The following PDE4D variants were observed in gnomAD, a reference collection of about 807,000 sequenced individuals.
The protein encoded by PDE4D is phosphodiesterase 4D.
In PDE4D, 24 loss-of-function variants were observed where a neutral mutation model predicts 87.4. That is an observed-to-expected ratio of 0.27 (90% CI 0.20 to 0.39). The LOEUF is 0.39. Ranked by LOEUF, PDE4D falls within the 10% of genes least tolerant of loss-of-function variation. PDE4D has a pLI of 1.00. For synonymous variants in PDE4D, 384 were observed against 383.2 expected (o/e 1.00, Z -0.02); for missense variants, 714 against 1,041.0 (o/e 0.69, Z 4.32).
intron 1 of PDE4D, among the ~76,000 whole-genome samples, chr5:59,457,629 G>A (rs56261576): frequency 0.081 from 12,246 of 152,064 alleles, 1,459 homozygotes; most frequent in African/African-American, 0.26. Flanking sequence ...TAGAATTCAC[G>A]TCTGTAATCC....
intron 1 of PDE4D, among the ~76,000 whole-genome samples, chr5:59,872,200 T>C (rs539339814): frequency 6.6e-6 from 1 of 152,054 alleles, no homozygotes; most frequent in South Asian, 2.1e-4. Flanking sequence ...GACCTTGTTA[T>C]GGATTCTGAG....
chr5:60,279,337 C>G (rs1367445616), intron 1 of PDE4D, among the ~76,000 whole-genome samples: 1 of 152,166 alleles, frequency 6.6e-6, no homozygotes, highest in African/African-American at 2.4e-5. Context: ...TCCAGAATTA[C>G]CATGTGGTCT....
intron 1 of PDE4D, among the ~76,000 whole-genome samples, chr5:60,233,006 A>G (rs1229406353): frequency 6.6e-6 from 1 of 151,852 alleles, no homozygotes; most frequent in Non-Finnish European, 1.5e-5. Context: ...AATAATCCCA[A>G]TTATCCCTTA....
At chr5:59,877,872 C>CA (rs1314561624) in intron 1 of PDE4D, among the ~76,000 whole-genome samples, 1 of 151,860 alleles carries the variant, frequency 6.6e-6, no homozygotes, top group Non-Finnish European at 1.5e-5. Flanking sequence ...AAAGATAAAG[C>CA]AAAAAAAGGA....
At chr5:59,455,973 C>A (rs1799869263) in intron 1 of PDE4D, among the ~76,000 whole-genome samples, 1 of 152,194 alleles carries the variant, frequency 6.6e-6, no homozygotes, top group Non-Finnish European at 1.5e-5. Context: ...CCCATTGTAT[C>A]TAGGAAGTAA....
chr5:59,729,704 T>A (rs1030822057), intron 1 of PDE4D, among the ~76,000 whole-genome samples: 1 of 151,942 alleles, frequency 6.6e-6, no homozygotes, highest in Non-Finnish European at 1.5e-5. Context: ...AAACCCAATA[T>A]CAGCCTGTCA....
intron 2 of PDE4D, among the ~76,000 whole-genome samples, chr5:60,126,015 A>C (rs1267627105): frequency 6.6e-6 from 1 of 152,156 alleles, no homozygotes; most frequent in Non-Finnish European, 1.5e-5. Context: ...AAAGAGAAAT[A>C]GTTGGGGGCA....
intron 5 of PDE4D, among the ~76,000 whole-genome samples, chr5:59,103,795 G>A (rs1771143327): frequency 6.6e-6 from 1 of 152,304 alleles, no homozygotes; most frequent in Admixed American, 6.5e-5. Flanking sequence ...TACCTTTAGA[G>A]CTATTTGTAT....
chr5:59,114,637 G>A (rs1773260033), intron 5 of PDE4D, among the ~76,000 whole-genome samples: 1 of 152,104 alleles, frequency 6.6e-6, no homozygotes, highest in Admixed American at 6.6e-5. Flanking sequence ...ATGGAGAATG[G>A]GATCCTGGGA....
intron 1 of PDE4D, among the ~76,000 whole-genome samples, chr5:59,608,223 A>G (rs930925943): frequency 5.9e-5 from 9 of 152,138 alleles, no homozygotes; most frequent in Non-Finnish European, 1.3e-4. Context: ...GAGAGTGCTG[A>G]CAAGGATGGA....
chr5:59,772,659 G>A (rs985979137), intron 1 of PDE4D, among the ~76,000 whole-genome samples: 1 of 152,184 alleles, frequency 6.6e-6, no homozygotes, highest in African/African-American at 2.4e-5. Flanking sequence ...GCAATGATGT[G>A]GCTAATTCAA....
intron 3 of PDE4D, among the ~76,000 whole-genome samples, chr5:59,934,641 G>A (rs562256899): frequency 6.6e-6 from 1 of 152,340 alleles, no homozygotes; most frequent in South Asian, 2.1e-4. Context: ...CTTCTAAATA[G>A]CAAAGAATAT....
intron 2 of PDE4D, among the ~76,000 whole-genome samples, chr5:60,028,724 A>T (rs965018760): frequency 5.9e-5 from 9 of 152,142 alleles, no homozygotes; most frequent in Admixed American, 5.2e-4. Flanking sequence ...CAACATTCTA[A>T]AAACTTCCTT....
chr5:59,033,032 T>C (rs994123208), intron 6 of PDE4D, among the ~76,000 whole-genome samples: 4 of 152,154 alleles, frequency 2.6e-5, no homozygotes, highest in Admixed American at 2.0e-4. Context: ...GGCCAGGGAG[T>C]AAATATCATT....
intron 1 of PDE4D, among the ~76,000 whole-genome samples, chr5:59,350,245 G>T (rs748241185): frequency 2.0e-5 from 3 of 152,028 alleles, no homozygotes; most frequent in Non-Finnish European, 4.4e-5. Flanking sequence ...CAAGAAGTGT[G>T]CTCTGAATCA....
At chr5:59,977,243 T>A (rs966982512) in intron 3 of PDE4D, among the ~76,000 whole-genome samples, 1 of 152,118 alleles carries the variant, frequency 6.6e-6, no homozygotes, top group Non-Finnish European at 1.5e-5. Flanking sequence ...TTGAAGGAAA[T>A]TAAAAGTACT....
intron 1 of PDE4D, among the ~76,000 whole-genome samples, chr5:59,746,824 T>C (rs1759678920): frequency 1.3e-5 from 2 of 152,226 alleles, no homozygotes; most frequent in East Asian, 3.9e-4. Context: ...CACATGTTTG[T>C]ACCTCTGCCC....
At chr5:59,592,071 G>A in intron 1 of PDE4D, 1 of 903,632 alleles carries the variant, frequency 1.1e-6, no homozygotes, top group Non-Finnish European at 1.3e-6. Context: ...TGAGGTGGCT[G>A]TGCTTCCAAC....
At chr5:59,352,370 G>T (rs1308538326) in intron 1 of PDE4D, among the ~76,000 whole-genome samples, 1 of 152,158 alleles carries the variant, frequency 6.6e-6, no homozygotes, top group Non-Finnish European at 1.5e-5. Flanking sequence ...CATCTGAAAA[G>T]CTTTGAAAAC....
Sources: allele counts gnomAD v4.1 joint callset (sites outside exome capture counted in the v4.1 genomes callset), GRCh38; gene constraint gnomAD v4.1.1; transcripts MANE v1.5; gene names NCBI Gene and HGNC (gene_info 2026-07-23, HGNC 2026-07-21).